Variants in RAB30 observed in about 807,000 individuals in gnomAD.
RAB30 encodes the protein ras-related protein Rab-30.
In RAB30, 9 loss-of-function variants were observed where a neutral mutation model predicts 25.1. The ratio of observed to expected loss-of-function variants is 0.36; its 90% CI spans 0.22 to 0.63. The LOEUF (loss-of-function observed/expected upper bound fraction) is 0.63. RAB30 is among the 20% of genes least tolerant of loss of function. The pLI, the probability that RAB30 is intolerant of heterozygous loss-of-function variation, is 0.69. For missense variants in RAB30, 140 were observed against 243.5 expected (o/e 0.58, Z 2.83); for synonymous variants, 77 against 86.4 (o/e 0.89, Z 0.60).
Position 82,974,944 on chromosome 11 carries a change from T to A in RAB30, c.*7221A>T, listed in dbSNP as rs1052953857. The A allele has an allele frequency of 7.6e-6, 1 of 131,436 alleles. No individual in the cohort carries two copies. Among genetic ancestry groups the A allele is most frequent in the African/African-American group, 2.8e-5 (1 of 36,330 alleles). 8.1% of individuals were successfully genotyped at this position (131,436 alleles called of 1,614,324 possible). Reference sequence around the variant, plus strand: ...ATTTTGAGCAGAGTTTGTTGTTTTTTCTTTTTTTTTTTTTTTTTGCTGAAA... The same window carrying A: ...ATTTTGAGCAGAGTTTGTTGTTTTTACTTTTTTTTTTTTTTTTTGCTGAAA... On this transcript the variant is annotated 3_prime_UTR_variant, in exon 5 of 5. Transcript: ENST00000527633.
chr11:82,989,750 T>G (rs545920465), intron 3 of RAB30, among the ~76,000 whole-genome samples: 1 of 152,358 alleles, frequency 6.6e-6, no homozygotes, highest in East Asian at 1.9e-4. Context: ...ATATGTTACC[T>G]TCTCATAGGG....
chr11:83,013,553 G>A (rs1192969890), intron 1 of RAB30, among the ~76,000 whole-genome samples: 1 of 152,152 alleles, frequency 6.6e-6, no homozygotes, highest in African/African-American at 2.4e-5. Flanking sequence ...AAAGCTGAGA[G>A]TGCTTTTCAG....
At chr11:83,011,799 T>C (rs1857309929) in intron 1 of RAB30, among the ~76,000 whole-genome samples, 1 of 152,146 alleles carries the variant, frequency 6.6e-6, no homozygotes, top group African/African-American at 2.4e-5. Context: ...TGCTGTGTTC[T>C]GCTTGTTTTC....
chr11:83,015,782 G>C (rs919275476), intron 1 of RAB30, among the ~76,000 whole-genome samples: 4 of 152,158 alleles, frequency 2.6e-5, no homozygotes, highest in African/African-American at 9.7e-5. Context: ...TCAAGAAGTA[G>C]AGTGTCAAAG....
chr11:82,990,960 A>G (rs1856838502), intron 3 of RAB30, among the ~76,000 whole-genome samples: 1 of 152,110 alleles, frequency 6.6e-6, no homozygotes, highest in Admixed American at 6.5e-5. Context: ...CTTAATAGCT[A>G]CAAAAATCTA....
rs927426584 is a variant in RAB30, at chr11:83,033,326, A to G, written c.-8-36002T>C. 9.9e-5 allele frequency among the ~76,000 whole-genome samples: 15 copies of G among 152,202 alleles called. 1 individual carries two copies. Among genetic ancestry groups the G allele is most frequent in the African/African-American group, 3.6e-4 (15 of 41,536 alleles). On this transcript the variant is annotated intron_variant, in intron 1 of 4. Coordinates refer to ENST00000527633, the MANE Select transcript of RAB30 (RefSeq NM_001286060.2). Reference sequence around the variant, plus strand: ...GGTGATCTGCTCACCTTGGCTTCCCAAAGTGCTGGGATTACAGGTGTCAGC... The same window carrying G: ...GGTGATCTGCTCACCTTGGCTTCCCGAAGTGCTGGGATTACAGGTGTCAGC...
At chr11:83,014,710 A>T (rs561695208) in intron 1 of RAB30, among the ~76,000 whole-genome samples, 1 of 150,368 alleles carries the variant, frequency 6.7e-6, no homozygotes, top group African/African-American at 2.4e-5. Context: ...GGAAGGAAGG[A>T]AGGATGGAGG....
At chr11:83,029,312 C>G (rs1247774466) in intron 1 of RAB30, among the ~76,000 whole-genome samples, 1 of 152,028 alleles carries the variant, frequency 6.6e-6, no homozygotes, top group Non-Finnish European at 1.5e-5. Flanking sequence ...ACACCCATTA[C>G]CAAAGTTCAA....
chr11:83,047,637 G>A (rs1012752807), intron 1 of RAB30, among the ~76,000 whole-genome samples: 10 of 152,144 alleles, frequency 6.6e-5, no homozygotes, highest in East Asian at 5.8e-4. Flanking sequence ...TCCCTGCCTC[G>A]ACTCTTGACC....
chr11:82,998,525 G>T (rs2121465819), intron 1 of RAB30, among the ~76,000 whole-genome samples: 1 of 146,492 alleles, frequency 6.8e-6, no homozygotes, highest in Admixed American at 6.8e-5. Context: ...TCCAGCCTGG[G>T]TGACAGAGTG....
chr11:83,023,548 C>A (rs964476371), intron 1 of RAB30, among the ~76,000 whole-genome samples: 2 of 152,158 alleles, frequency 1.3e-5, no homozygotes, highest in Non-Finnish European at 2.9e-5. Flanking sequence ...CATCCTATCT[C>A]CCCTGCACCA....
chr11:82,985,210 C>G (rs939298001), intron 4 of RAB30, among the ~76,000 whole-genome samples: 1 of 147,244 alleles, frequency 6.8e-6, no homozygotes, highest in Non-Finnish European at 1.5e-5. Flanking sequence ...AGTGATCCAC[C>G]CGCCTCAGCC....
chr11:83,021,297 G>A (rs1025355920), intron 1 of RAB30, among the ~76,000 whole-genome samples: 4 of 152,196 alleles, frequency 2.6e-5, no homozygotes, highest in Non-Finnish European at 5.9e-5. Context: ...TGCTCACCAG[G>A]TTATGAGTGA....
In RAB30 at chr11:83,025,278, T is replaced by C. The variant is rs150452451; in HGVS notation, c.-8-27954A>G. Among the ~76,000 whole-genome samples the C allele has an allele frequency of 6.8e-4, 104 of 152,326 alleles. 1 individual carries two copies. The highest frequency in any genetic ancestry group is 2.4e-3 in the African/African-American group (100 of 41,580). On this transcript the variant is annotated intron_variant, in intron 1 of 4. Coordinates refer to ENST00000527633, the MANE Select transcript of RAB30 (RefSeq NM_001286060.2). ...AGAAGTTTCTCATTGTGAAGCACAG[T>C]GTAGACCATAAGCCTTTTAATCAAA...
In RAB30 at chr11:82,997,212, G is replaced by C. The variant is rs202072952; in HGVS notation, c.93+12C>G. ...ACCCTGGGCTTACGAGTTCCCTTAC[G>C]AGTTCCCTTACCTGAGTGAATCTTC... On this transcript the variant is annotated intron_variant, in intron 2 of 4. Transcript: ENST00000527633. The C allele has an allele frequency of 6.3e-7, 1 of 1,594,314 alleles. No homozygotes were observed. Among genetic ancestry groups the C allele is most frequent in the Admixed American group, 1.7e-5 (1 of 59,976 alleles).
chr11:82,993,038 G>C (rs960910165), intron 3 of RAB30, among the ~76,000 whole-genome samples: 1 of 152,176 alleles, frequency 6.6e-6, no homozygotes, highest in African/African-American at 2.4e-5. Flanking sequence ...ATAAAACCCA[G>C]CTCTGAAGAG....
intron 1 of RAB30, among the ~76,000 whole-genome samples, chr11:83,006,045 TAAG>T (rs900782867): frequency 3.9e-5 from 6 of 152,250 alleles, no homozygotes; most frequent in African/African-American, 7.2e-5. Flanking sequence ...GTAGTTATAA[TAAG>T]AGGCCATTCA....
In RAB30 at chr11:82,997,337, C is replaced by T; in HGVS notation, c.-8-13G>A. 6.4e-7 allele frequency: 1 copy of T among 1,566,432 alleles called. No homozygotes were observed. Among genetic ancestry groups the T allele is most frequent in the Non-Finnish European group, 8.8e-7 (1 of 1,137,008 alleles). On this transcript the variant is annotated splice_polypyrimidine_tract_variant and intron_variant, in intron 1 of 4. Coordinates refer to ENST00000527633, the MANE Select transcript of RAB30 (RefSeq NM_001286060.2). ...CTCATTTACACAGCTGCAAGGCAAA[C>T]ACAGGCAAAAGTGAGAAAGGCCCAG...
intron 1 of RAB30, among the ~76,000 whole-genome samples, chr11:83,024,401 T>C (rs1857660383): frequency 6.6e-6 from 1 of 152,206 alleles, no homozygotes; most frequent in Non-Finnish European, 1.5e-5. Context: ...TTCCCCACCC[T>C]GCCAGTGCCC....
Sources: allele counts gnomAD v4.1 joint callset (sites outside exome capture counted in the v4.1 genomes callset), GRCh38; gene constraint gnomAD v4.1.1; transcripts MANE v1.5; gene names NCBI Gene and HGNC (gene_info 2026-07-23, HGNC 2026-07-21).